The following SUV39H2 variants were observed in gnomAD, a reference collection of about 807,000 sequenced individuals.
SUV39H2 encodes SUV39H2 histone lysine methyltransferase.
A neutral mutation model predicts 47.5 loss-of-function variants in SUV39H2; 10 were observed. The ratio of observed to expected loss-of-function variants is 0.21; its 90% confidence interval spans 0.13 to 0.36. SUV39H2 has a LOEUF of 0.36. Among genes scored for constraint, SUV39H2 ranks in the 10% least tolerant of loss-of-function variants. The pLI, the probability that SUV39H2 is intolerant of heterozygous loss-of-function variation, is 1.00. For missense variants in SUV39H2, 266 were observed against 487.4 expected, an observed-to-expected ratio of 0.55 and a Z score of 4.28; for synonymous variants, 159 against 166.8, an observed-to-expected ratio of 0.95 and a Z score of 0.36.
At chr10:14,889,172 ATCC>A (rs1479177248) in intron 2 of SUV39H2, among the ~76,000 whole-genome samples, 1 of 152,158 alleles carries the variant, frequency 6.6e-6, no homozygotes, top group African/African-American at 2.4e-5. Flanking sequence ...TCTTCCATGA[ATCC>A]TAGCTTTCAA....
At chr10:14,885,165 G>T (rs1833166251) in intron 2 of SUV39H2, among the ~76,000 whole-genome samples, 1 of 152,106 alleles carries the variant, frequency 6.6e-6, no homozygotes, top group African/African-American at 2.4e-5. Context: ...ACTTGTATGT[G>T]TTTGGCTCAT....
rs1165797485 is a variant in SUV39H2 at position 14,878,929 on chromosome 10, G to A, written c.31+10G>A. 2 of 1,468,030 alleles carry A rather than the reference G, an allele frequency of 1.4e-6. No individual in the cohort carries two copies. The highest frequency in any genetic ancestry group is 1.5e-5 in the African/African-American group (1 of 68,540). The allele number at this position is 1,468,030 out of a possible 1,614,324, so 90.9% of individuals were successfully genotyped here. A position where few individuals can be genotyped will look rare whatever the true frequency, so the allele number is the denominator to read the frequency against. On this transcript the variant is annotated intron_variant, in intron 1 of 5. Transcript: ENST00000354919. ...GCCGAGGCGCGAGGAGGTGAGGCTGGAGCGCGGCCCCCTCGCCTTCCCTGT... is the reference window on the plus strand; with the variant it reads ...GCCGAGGCGCGAGGAGGTGAGGCTGAAGCGCGGCCCCCTCGCCTTCCCTGT...
chr10:14,900,347 C>T (rs1219918746), intron 4 of SUV39H2, among the ~76,000 whole-genome samples: 1 of 152,096 alleles, frequency 6.6e-6, no homozygotes, highest in East Asian at 1.9e-4. Flanking sequence ...GTGACATTAT[C>T]TGCATTTTGT....
At chr10:14,890,782 T>C (rs529944940) in intron 2 of SUV39H2, among the ~76,000 whole-genome samples, 1 of 152,360 alleles carries the variant, frequency 6.6e-6, no homozygotes, top group African/African-American at 2.4e-5. Context: ...TATGTTTCTT[T>C]TAAAGTTTTG....
At chr10:14,888,125 A>T (rs544294215) in intron 2 of SUV39H2, among the ~76,000 whole-genome samples, 1 of 152,300 alleles carries the variant, frequency 6.6e-6, no homozygotes, top group South Asian at 2.1e-4. Context: ...AGTTTTAAGC[A>T]GGGGAGCAGC....
chr10:14,888,441 C>T (rs1485902548), intron 2 of SUV39H2, among the ~76,000 whole-genome samples: 1 of 151,726 alleles, frequency 6.6e-6, no homozygotes, highest in East Asian at 2.0e-4. Flanking sequence ...TGAGACCATC[C>T]TGGCCAACAT....
chr10:14,900,137 G>C (rs148486968), intron 4 of SUV39H2, among the ~76,000 whole-genome samples: 47 of 152,256 alleles, frequency 3.1e-4, no homozygotes, highest in African/African-American at 1.0e-3. Context: ...AAGATTTGTA[G>C]AGTATTTATG....
At chr10:14,897,639 A>G in intron 3 of SUV39H2, 122 bp downstream of exon 3, 1 of 890,336 alleles carries the variant, frequency 1.1e-6, no homozygotes, top group Non-Finnish European at 1.5e-6. Context: ...GCAGATATGT[A>G]GAAATTTATT....
chr10:14,882,392 C>G (rs145624910), intron 2 of SUV39H2, among the ~76,000 whole-genome samples: 79 of 152,282 alleles, frequency 5.2e-4, no homozygotes, highest in African/African-American at 1.7e-3. Context: ...CACTAAATCC[C>G]ATTCTTTCAA....
Position 14,903,745 on chromosome 10 carries a change from G to A in SUV39H2, c.*1233G>A, listed in dbSNP as rs997977359. ...GTCTGATTCTGAGATTTCTAATTGTGTTGTGAAAATGATAAATGCAGCAAA... is the reference window on the plus strand; with the variant it reads ...GTCTGATTCTGAGATTTCTAATTGTATTGTGAAAATGATAAATGCAGCAAA... On this transcript the variant is annotated 3_prime_UTR_variant, in exon 6 of 6. Coordinates refer to ENST00000354919, the MANE Select transcript of SUV39H2 (RefSeq NM_001193424.2). 2 of 152,148 alleles carry A rather than the reference G, an allele frequency of 1.3e-5. No homozygotes were observed. The highest frequency in any genetic ancestry group is 4.8e-5 in the African/African-American group (2 of 41,420). The allele number at this position is 152,148 out of a possible 1,614,324, so 9.4% of individuals were successfully genotyped here. A position where few individuals can be genotyped will look rare whatever the true frequency, so the allele number is the denominator to read the frequency against.
At chr10:14,898,269 T>C (rs7070156) in intron 3 of SUV39H2, 1 of 145,642 alleles carries the variant, frequency 6.9e-6, no homozygotes, top group Non-Finnish European at 1.5e-5. Context: ...GTAGAGAAAT[T>C]GAGTACCTTG....
Position 14,902,915 on chromosome 10 carries a change from A to C in SUV39H2, c.*403A>C, listed in dbSNP as rs910097394. On this transcript the variant is annotated 3_prime_UTR_variant, in exon 6 of 6. Transcript: ENST00000354919. ...ATTCGGAGAAACAGTTAATTTGGGC[A>C]AATCTACAGTTCTGTTTTTGCTACT... 1.3e-5 allele frequency: 2 copies of C among 154,298 alleles called. No homozygotes were observed. Among genetic ancestry groups the C allele is most frequent in the African/African-American group, 2.4e-5 (1 of 41,484 alleles). The allele number at this position is 154,298 out of a possible 1,614,324, so 9.6% of individuals were successfully genotyped here.
chr10:14,893,930 T>C (rs1005743360), intron 2 of SUV39H2, among the ~76,000 whole-genome samples: 2 of 131,878 alleles, frequency 1.5e-5, no homozygotes, highest in Admixed American at 7.2e-5. Flanking sequence ...TTTCTTTGAT[T>C]GTTTGCTGGA....
chr10:14,879,159 A>T (rs114727491), intron 1 of SUV39H2: 4 of 1,206,512 alleles, frequency 3.3e-6, no homozygotes, highest in Middle Eastern at 3.2e-4. Context: ...GGCACTTCGG[A>T]AGTGGAGCGT....
chr10:14,884,759 A>T (rs780619799), intron 2 of SUV39H2, among the ~76,000 whole-genome samples: 60 of 152,190 alleles, frequency 3.9e-4, no homozygotes, highest in Non-Finnish European at 7.5e-4. Flanking sequence ...ACTCTCGTCT[A>T]TGGAGAAATT....
intron 2 of SUV39H2, among the ~76,000 whole-genome samples, chr10:14,891,701 G>C (rs1298983615): frequency 6.6e-6 from 1 of 152,152 alleles, no homozygotes; most frequent in Non-Finnish European, 1.5e-5. Context: ...GCTTGTGTGA[G>C]TAGGTGGACA....
At position 14,897,469 on chromosome 10, in the gene SUV39H2, C is replaced by T; in HGVS notation, c.801C>T (p.Thr267=). Reference sequence around the variant, plus strand: ...ATGGACGTGGCTGGGGTGTAAAGACCCTTGTGAAGATTAAAAGAATGAGTT... The same window carrying T: ...ATGGACGTGGCTGGGGTGTAAAGACTCTTGTGAAGATTAAAAGAATGAGTT... ...TSNGRGWGVK[T]LVKIKRMSFV... is the part of the protein sequence containing the mutation. Residue 267 remains threonine (T), a synonymous_variant, in exon 3 of 6, where the codon ACC becomes ACT. Coordinates refer to ENST00000354919, the MANE Select transcript of SUV39H2 (RefSeq NM_001193424.2). The T allele has an allele frequency of 6.3e-7, 1 of 1,587,782 alleles. No individual in the cohort carries two copies. Among genetic ancestry groups the T allele is most frequent in the Non-Finnish European group, 8.6e-7 (1 of 1,166,384 alleles).
Position 14,899,488 on chromosome 10 carries a change from G to T in SUV39H2, c.850-51G>T, listed in dbSNP as rs138209139. 43 of 1,590,424 alleles carry T rather than the reference G, an allele frequency of 2.7e-5. No individual in the cohort carries two copies. The East Asian group carries it at 9.4e-4, about 35-fold the overall frequency. ...CATATTAGTAGATAGGTAGATGAATGCTTCTTTGGTTCAGTAGCTACGTAA... is the reference window on the plus strand; with the variant it reads ...CATATTAGTAGATAGGTAGATGAATTCTTCTTTGGTTCAGTAGCTACGTAA... On this transcript the variant is annotated intron_variant, in intron 3 of 5. Transcript: ENST00000354919.
At position 14,899,366 on chromosome 10, in the gene SUV39H2, C is replaced by T. The variant is rs956675530; in HGVS notation, c.850-173C>T. 16 of 728,500 alleles carry T rather than the reference C, an allele frequency of 2.2e-5. No individual in the cohort carries two copies. The African/African-American group carries it at 2.3e-4, about 10-fold the overall frequency. 45.1% of individuals were successfully genotyped at this position (728,500 alleles called of 1,614,324 possible). On this transcript the variant is annotated intron_variant, in intron 3 of 5. Coordinates refer to ENST00000354919, the MANE Select transcript of SUV39H2 (RefSeq NM_001193424.2). Reference sequence around the variant, plus strand: ...TTTGCATTATCATTTTTCTTCCCCTCATTTTCCCACCTCTTTGCATCTGAG... The same window carrying T: ...TTTGCATTATCATTTTTCTTCCCCTTATTTTCCCACCTCTTTGCATCTGAG...
Sources: gnomAD v4.1 joint callset for allele counts (sites outside exome capture counted in the v4.1 genomes callset) on GRCh38, gnomAD v4.1.1 for gene constraint, MANE v1.5 for transcripts, NCBI Gene and HGNC (gene_info 2026-07-23, HGNC 2026-07-21) for gene names.